The following WDR17 variants were observed in gnomAD, a reference collection of about 807,000 sequenced individuals.
The protein encoded by WDR17 is WD repeat domain 17, also known as WD repeat-containing protein 17.
WDR17 carries 143 observed loss-of-function variants against 161.7 expected under a neutral mutation model. The ratio of observed to expected loss-of-function variants is 0.88; its 90% CI spans 0.77 to 1.02. WDR17 has a LOEUF of 1.02. WDR17 is among the 50% of genes least tolerant of loss of function. WDR17 has a pLI of 0.00. For missense variants in WDR17, 1,469 were observed against 1,520.9 expected (o/e 0.97, Z 0.57); for synonymous variants, 517 against 515.6 (o/e 1.00, Z -0.04).
chr4:176,116,737 T>C (rs1181355256), intron 3 of WDR17, among the ~76,000 whole-genome samples: 3 of 151,920 alleles, frequency 2.0e-5, no homozygotes, highest in African/African-American at 7.2e-5. Flanking sequence ...TTCAAATTTC[T>C]TTGTAATAGT....
At chr4:176,111,535 A>G (rs1561115609) in intron 1 of WDR17, 40 bp from the exon 2 acceptor site, 2 of 1,589,524 alleles carry the variant, frequency 1.3e-6, no homozygotes, top group Non-Finnish European at 1.7e-6. Context: ...GTTTATCAAT[A>G]ATGGAAATCA....
intron 2 of WDR17, among the ~76,000 whole-genome samples, chr4:176,113,591 G>C (rs1464947617): frequency 6.6e-6 from 1 of 151,838 alleles, no homozygotes; most frequent in African/African-American, 2.4e-5. Context: ...TAATTAAATG[G>C]TGACATTAAT....
At chr4:176,146,682 T>C (rs1205022423) in intron 12 of WDR17, among the ~76,000 whole-genome samples, 1 of 152,192 alleles carries the variant, frequency 6.6e-6, no homozygotes, top group African/African-American at 2.4e-5. Context: ...CCTGTTCTAG[T>C]GGCCCCTACA....
intron 11 of WDR17, among the ~76,000 whole-genome samples, chr4:176,142,351 A>G (rs1378578787): frequency 3.3e-5 from 5 of 152,342 alleles, no homozygotes; most frequent in Non-Finnish European, 5.9e-5. Flanking sequence ...AATGGAAATG[A>G]GTCCATTGCA....
intron 22 of WDR17, among the ~76,000 whole-genome samples, chr4:176,164,022 GCAAGT>G (rs561361574): frequency 4.6e-5 from 7 of 152,082 alleles, no homozygotes; most frequent in Non-Finnish European, 8.8e-5. Context: ...TTTCCCCATT[GCAAGT>G]CCCATGCACA....
In WDR17 at chr4:176,131,662, C is replaced by G. The variant is rs1359910169; in HGVS notation, c.1022C>G (p.Ala341Gly). 4 of 1,613,590 alleles carry G rather than the reference C, an allele frequency of 2.5e-6. No individual in the cohort carries two copies. Among genetic ancestry groups the G allele is most frequent in the African/African-American group, 1.3e-5 (1 of 74,886 alleles). Residue 341 changes from alanine (A) to glycine (G), a missense_variant, in exon 7 of 29, where the codon GCA becomes GGA. Ala to Gly is a moderately conservative substitution (Grantham distance 60, BLOSUM62 0). Coordinates refer to ENST00000508596, the MANE Select transcript of WDR17 (RefSeq NM_181265.4). ...NQAFSLPPGHAVCCFLDGGVG... is the reference protein window; with the variant it reads ...NQAFSLPPGHGVCCFLDGGVG... The stretch of plus-strand genomic sequence containing the variant: ...GCATTTTCTCTTCCTCCTGGTCATG[C>G]AGTGTGTTGTTTCTTGGATGGTGGA...
At chr4:176,116,728 T>C (rs189675330) in intron 3 of WDR17, among the ~76,000 whole-genome samples, 1 of 152,024 alleles carries the variant, frequency 6.6e-6, no homozygotes, top group Admixed American at 6.5e-5. Context: ...CTTATTTTGT[T>C]CAAATTTCTT....
At position 176,128,931 on chromosome 4, in the gene WDR17, G is replaced by C. The variant is rs1479891268; in HGVS notation, c.913+71G>C. The C allele has an allele frequency of 1.7e-4, 226 of 1,352,070 alleles. 1 individual carries two copies. Among genetic ancestry groups the C allele is most frequent in the African/African-American group, 1.5e-5 (1 of 66,334 alleles). 83.8% of individuals were successfully genotyped at this position (1,352,070 alleles called of 1,614,324 possible). ...GTTTTCTATCAAATAAAATGGTATA[G>C]TGAGATATCAAATACTATATGCCAC... On this transcript the variant is annotated intron_variant, in intron 6 of 28. Coordinates refer to ENST00000508596, the MANE Select transcript of WDR17 (RefSeq NM_181265.4).
intron 1 of WDR17, chr4:176,068,499 C>T (rs1457636655): frequency 6.6e-6 from 1 of 152,140 alleles, no homozygotes; most frequent in Non-Finnish European, 1.5e-5. Flanking sequence ...ACTTGGGAGG[C>T]TGAGGCATGA....
chr4:176,102,210 A>G (rs970295805), intron 1 of WDR17, among the ~76,000 whole-genome samples: 13 of 152,240 alleles, frequency 8.5e-5, no homozygotes, highest in African/African-American at 3.1e-4. Context: ...AGAGCTGAAC[A>G]GATACCTCAC....
intron 11 of WDR17, among the ~76,000 whole-genome samples, chr4:176,144,521 TTC>T (rs1220778418): frequency 6.6e-6 from 1 of 152,190 alleles, no homozygotes; most frequent in East Asian, 1.9e-4. Flanking sequence ...ATATTCCTAT[TTC>T]TCTGTTTTAT....
Position 176,096,501 on chromosome 4 carries a change from A to G in WDR17, c.-6-15074A>G, listed in dbSNP as rs754511861. On this transcript the variant is annotated intron_variant, in intron 1 of 28. Transcript: ENST00000508596. ...TGATGCCGAGTTTCCAATTGCCTTG[A>G]TTAAAGTAGAAACATTCTATGGCTT... The G allele has an allele frequency of 3.1e-6, 5 of 1,596,142 alleles. No individual in the cohort carries two copies. The South Asian group carries it at 5.6e-5, about 18-fold the overall frequency.
At chr4:176,134,719 T>C (rs934891911) in intron 7 of WDR17, among the ~76,000 whole-genome samples, 1 of 151,748 alleles carries the variant, frequency 6.6e-6, no homozygotes, top group Non-Finnish European at 1.5e-5. Flanking sequence ...TCTTCTATTG[T>C]AGTGCCAGAT....
At position 176,159,657 on chromosome 4, in the gene WDR17, C is replaced by G. The variant is rs534477563; in HGVS notation, c.2526-337C>G. ...GATACCCACATATTTGCTTAATCCA[C>G]CTGATATCCTATCACACGTACCTTG... On this transcript the variant is annotated intron_variant, in intron 18 of 28. Coordinates refer to ENST00000508596, the MANE Select transcript of WDR17 (RefSeq NM_181265.4). 4.6e-5 allele frequency among the ~76,000 whole-genome samples: 7 copies of G among 152,294 alleles called. No individual in the cohort carries two copies. In the South Asian group the frequency reaches 1.5e-3, roughly 32 times the overall value.
chr4:176,073,072 A>C (rs1199537688), intron 1 of WDR17, among the ~76,000 whole-genome samples: 1 of 151,972 alleles, frequency 6.6e-6, no homozygotes, highest in Non-Finnish European at 1.5e-5. Flanking sequence ...ACCTATGAGG[A>C]CTTCCTGTGC....
At chr4:176,120,245 T>C (rs1741327425) in intron 4 of WDR17, 148 bp downstream of exon 4, 1 of 520,948 alleles carries the variant, frequency 1.9e-6, no homozygotes, top group African/African-American at 2.0e-5. Flanking sequence ...ATTGTTAAAA[T>C]GTTACCCAGT....
chr4:176,075,401 G>A (rs1321141945), intron 1 of WDR17, among the ~76,000 whole-genome samples: 1 of 151,838 alleles, frequency 6.6e-6, no homozygotes, highest in African/African-American at 2.4e-5. Flanking sequence ...CTAGTACCTA[G>A]GAAAACAATA....
At chr4:176,141,907 A>G in intron 10 of WDR17, 76 bp from the exon 11 acceptor site, 2 of 1,169,416 alleles carry the variant, frequency 1.7e-6, no homozygotes, top group Non-Finnish European at 1.2e-6. Context: ...TTTGAAATTT[A>G]CAATTCTGAC....
At chr4:176,159,910 T>C in intron 18 of WDR17, 84 bp from the exon 19 acceptor site, 1 of 1,322,400 alleles carries the variant, frequency 7.6e-7, no homozygotes, top group Non-Finnish European at 1.0e-6. Flanking sequence ...GCTACAAATT[T>C]TAGCCATACT....
Sources: allele counts gnomAD v4.1 joint callset (sites outside exome capture counted in the v4.1 genomes callset), GRCh38; gene constraint gnomAD v4.1.1; transcripts MANE v1.5; gene names NCBI Gene and HGNC (gene_info 2026-07-23, HGNC 2026-07-21).